Variants in SLC38A12 observed in about 807,000 individuals in gnomAD.
SLC38A12 encodes the protein putative sodium-coupled neutral amino acid transporter 12.
chr17:74,817,036 C>G, the SLC38A12 span, among the ~76,000 whole-genome samples: 2 of 134,830 alleles, frequency 1.5e-5, no homozygotes, highest in African/African-American at 2.7e-5. Context: ...TCCCCAAGAC[C>G]TCAGCGGCCA....
the SLC38A12 span, among the ~76,000 whole-genome samples, chr17:74,818,519 G>C: frequency 6.7e-6 from 1 of 148,200 alleles, no homozygotes; most frequent in African/African-American, 2.5e-5. Flanking sequence ...GGCCAGAGGT[G>C]GGGGGCGGGG....
the SLC38A12 span, among the ~76,000 whole-genome samples, chr17:74,791,387 A>AG: frequency 0.011 from 1,398 of 125,798 alleles, 56 homozygotes; most frequent in African/African-American, 0.026. Flanking sequence ...TACTCCAGTG[A>AG]GGTTCAGGAA....
At chr17:74,813,908 G>A in the SLC38A12 span, among the ~76,000 whole-genome samples, 74 of 152,290 alleles carry the variant, frequency 4.9e-4, no homozygotes, top group Non-Finnish European at 8.4e-4. Context: ...CAAAGTCTTA[G>A]TTCCAGTTGG....
the SLC38A12 span, chr17:74,836,743 C>A: frequency 1.3e-6 from 2 of 1,522,032 alleles, no homozygotes. The surrounding 1 kb of genome is among the most constrained non-coding windows in gnomAD (Gnocchi z 4.2). Flanking sequence ...CCCCACCCCT[C>A]GCCCGCAGAG....
chr17:74,828,959 C>G, the SLC38A12 span, among the ~76,000 whole-genome samples: 2 of 151,930 alleles, frequency 1.3e-5, no homozygotes, highest in African/African-American at 4.8e-5. Flanking sequence ...ACTGAGACAC[C>G]CATAGAAATA....
the SLC38A12 span, chr17:74,819,933 G>C: frequency 8.5e-7 from 1 of 1,182,292 alleles, no homozygotes. Flanking sequence ...GCCCCCAGCC[G>C]TAGCTGGAGT....
chr17:74,776,558 G>C, the SLC38A12 span: 1 of 152,248 alleles, frequency 6.6e-6, no homozygotes, highest in South Asian at 2.1e-4. Context: ...ACGGCGGCTT[G>C]GGAGCTGGCT....
chr17:74,781,160 A>G, the SLC38A12 span, among the ~76,000 whole-genome samples: 2 of 152,196 alleles, frequency 1.3e-5, no homozygotes, highest in African/African-American at 2.4e-5. Flanking sequence ...CCAAATTTCC[A>G]TAGTGCCCAA....
At chr17:74,781,743 G>T in the SLC38A12 span, among the ~76,000 whole-genome samples, 5 of 152,202 alleles carry the variant, frequency 3.3e-5, no homozygotes, top group African/African-American at 7.2e-5. Flanking sequence ...TAGGTTTTCC[G>T]CTGGGGTCTG....
At chr17:74,838,567 C>T in the SLC38A12 span, 17 of 1,190,742 alleles carry the variant, frequency 1.4e-5, no homozygotes, top group Admixed American at 1.2e-4. Context: ...AGTCGGTGGC[C>T]GTGTTCCCTG....
At chr17:74,798,674 C>G in the SLC38A12 span, among the ~76,000 whole-genome samples, 1 of 152,214 alleles carries the variant, frequency 6.6e-6, no homozygotes, top group Non-Finnish European at 1.5e-5. Context: ...GACCTCAGCC[C>G]TGTTATTAGG....
the SLC38A12 span, among the ~76,000 whole-genome samples, chr17:74,817,851 A>G: frequency 9.2e-5 from 14 of 152,016 alleles, no homozygotes; most frequent in African/African-American, 3.1e-4. Context: ...CACATAAGCC[A>G]CCCCCAAGAT....
the SLC38A12 span, chr17:74,837,057 T>C: frequency 9.6e-7 from 1 of 1,040,038 alleles, no homozygotes; most frequent in African/African-American, 1.7e-5. Context: ...GGCACTGCCA[T>C]CATTTGTCCC....
At chr17:74,837,861 C>A in the SLC38A12 span, 15 of 986,022 alleles carry the variant, frequency 1.5e-5, no homozygotes, top group Non-Finnish European at 1.8e-5. Flanking sequence ...CCCCCTGACC[C>A]TCACTGGCTT....
chr17:74,781,873 T>C, the SLC38A12 span, among the ~76,000 whole-genome samples: 1 of 152,198 alleles, frequency 6.6e-6, no homozygotes, highest in African/African-American at 2.4e-5. Flanking sequence ...CTTGCTGTGC[T>C]TCAGCCACAC....
chr17:74,837,668 C>A, the SLC38A12 span: 1 of 985,690 alleles, frequency 1.0e-6, no homozygotes, highest in Non-Finnish European at 1.2e-6. Context: ...CACGCTATAT[C>A]CCTTGGGCAA....
chr17:74,787,278 T>C, the SLC38A12 span, among the ~76,000 whole-genome samples: 1 of 151,704 alleles, frequency 6.6e-6, no homozygotes, highest in Non-Finnish European at 1.5e-5. Flanking sequence ...TTGTCAACAC[T>C]CAGGGAGAGG....
the SLC38A12 span, among the ~76,000 whole-genome samples, chr17:74,784,814 G>A: frequency 2.7e-4 from 41 of 152,070 alleles, no homozygotes; most frequent in Admixed American, 2.6e-4. Flanking sequence ...GGGAGTGGCC[G>A]CTAATGGAAA....
chr17:74,791,322 G>C, the SLC38A12 span, among the ~76,000 whole-genome samples: 2 of 152,016 alleles, frequency 1.3e-5, no homozygotes, highest in African/African-American at 4.8e-5. Flanking sequence ...CTACTCCAGT[G>C]AGGGTCAGGA....
Sources: allele counts gnomAD v4.1 joint callset (sites outside exome capture counted in the v4.1 genomes callset), GRCh38; gene constraint gnomAD v4.1.1; non-coding constraint Gnocchi (gnomAD v3.1); transcripts MANE v1.5; gene names NCBI Gene and HGNC (gene_info 2026-07-23, HGNC 2026-07-21).